Variants in NRG2 observed in about 807,000 individuals in gnomAD.
NRG2 encodes pro-neuregulin-2, membrane-bound isoform.
A neutral mutation model predicts 73.9 loss-of-function variants in NRG2; 27 were observed. The ratio of observed to expected loss-of-function variants is 0.37; its 90% confidence interval spans 0.27 to 0.50. NRG2 has a LOEUF of 0.50. NRG2 is among the 20% of genes least tolerant of loss of function. The pLI, the probability that NRG2 is intolerant of heterozygous loss-of-function variation, is 0.96. For synonymous variants in NRG2, 532 were observed against 541.0 expected, an observed-to-expected ratio of 0.98 and a Z score of 0.23; for missense variants, 1,126 against 1,210.1, an observed-to-expected ratio of 0.93 and a Z score of 1.03.
intron 1 of NRG2, among the ~76,000 whole-genome samples, chr5:140,010,786 T>C (rs963591953): frequency 9.9e-5 from 15 of 152,206 alleles, no homozygotes; most frequent in Non-Finnish European, 1.9e-4. Flanking sequence ...TTGGGTACTT[T>C]AGTTATAGCC....
In NRG2 at chr5:140,014,280, A is replaced by T. The variant is rs556268655; in HGVS notation, c.700+28090T>A. 5.9e-5 allele frequency among the ~76,000 whole-genome samples: 9 copies of T among 151,982 alleles called. No individual in the cohort carries two copies. In the South Asian group the frequency reaches 1.9e-3, roughly 32 times the overall value. On this transcript the variant is annotated intron_variant, in intron 1 of 9. Transcript: ENST00000361474. ...GAGACAGAGTCTCGCTCTGTTGCCC[A>T]GGCTACAGTGTAGTGGTGAAATCTC...
At chr5:139,871,360 G>C (rs142136782) in intron 4 of NRG2, among the ~76,000 whole-genome samples, 23 of 152,118 alleles carry the variant, frequency 1.5e-4, no homozygotes, top group African/African-American at 5.6e-4. Context: ...AGGAAAAGAG[G>C]GGGGGAAAGA....
chr5:139,934,626 G>C (rs532478179), intron 1 of NRG2, among the ~76,000 whole-genome samples: 1 of 152,322 alleles, frequency 6.6e-6, no homozygotes, highest in South Asian at 2.1e-4. Context: ...AACCACATCA[G>C]TAATCACATT....
chr5:139,954,737 T>G lies in NRG2; in HGVS notation c.701-67226A>C, dbSNP rs1243838119. Among the ~76,000 whole-genome samples the G allele has an allele frequency of 2.6e-5, 4 of 152,230 alleles. No individual in the cohort carries two copies. The highest frequency in any genetic ancestry group is 2.9e-5 in the Non-Finnish European group (2 of 68,044). ...TCTTAACCTAAAATGCCTTTTTGTC[T>G]CTATCAAATCATTGTTATTCCCCTT... On this transcript the variant is annotated intron_variant, in intron 1 of 9. Coordinates refer to ENST00000361474, the MANE Select transcript of NRG2 (RefSeq NM_004883.3). The surrounding 1 kb of genome is among the most constrained non-coding windows in gnomAD (Gnocchi z 5.0).
intron 3 of NRG2, among the ~76,000 whole-genome samples, chr5:139,875,114 C>A (rs1763087851): frequency 6.6e-6 from 1 of 152,198 alleles, no homozygotes. Flanking sequence ...CGGGTTCAAG[C>A]AATTCTCCTG....
chr5:139,938,130 T>C (rs185654353), intron 1 of NRG2, among the ~76,000 whole-genome samples: 1 of 152,022 alleles, frequency 6.6e-6, no homozygotes, highest in African/African-American at 2.4e-5. Context: ...AAAAGTAAGA[T>C]CTAAATAAAT....
At chr5:140,000,815 C>T (rs1758409415) in intron 1 of NRG2, among the ~76,000 whole-genome samples, 1 of 152,190 alleles carries the variant, frequency 6.6e-6, no homozygotes, top group Admixed American at 6.5e-5. Context: ...TTCCTAACTG[C>T]TCTCCCTAGC....
At chr5:140,030,323 C>A (rs986007355) in intron 1 of NRG2, among the ~76,000 whole-genome samples, 1 of 152,228 alleles carries the variant, frequency 6.6e-6, no homozygotes, top group Non-Finnish European at 1.5e-5. Flanking sequence ...CCCTAGGATG[C>A]ACTAGTTTTA....
chr5:139,989,397 A>G (rs538389829), intron 1 of NRG2, among the ~76,000 whole-genome samples: 34 of 152,060 alleles, frequency 2.2e-4, no homozygotes, highest in African/African-American at 7.7e-4. Flanking sequence ...CCATTTGTTT[A>G]AAGTATTAAA....
intron 1 of NRG2, among the ~76,000 whole-genome samples, chr5:140,012,616 C>T (rs1465432208): frequency 6.6e-6 from 1 of 152,118 alleles, no homozygotes; most frequent in Non-Finnish European, 1.5e-5. Flanking sequence ...ATATCAAATG[C>T]ATGCATCCTA....
chr5:139,914,964 A>C (rs1259665355), intron 1 of NRG2, among the ~76,000 whole-genome samples: 2 of 151,952 alleles, frequency 1.3e-5, no homozygotes, highest in African/African-American at 4.8e-5. Flanking sequence ...ATTGCTCTCT[A>C]TTCTTCCCTC....
intron 1 of NRG2, among the ~76,000 whole-genome samples, chr5:139,966,174 A>G (rs1657978531): frequency 6.6e-6 from 1 of 152,172 alleles, no homozygotes; most frequent in African/African-American, 2.4e-5. Flanking sequence ...ACTATGCTCC[A>G]TTGCCAACGA....
intron 3 of NRG2, among the ~76,000 whole-genome samples, chr5:139,879,671 A>G (rs1374817101): frequency 6.6e-6 from 1 of 152,202 alleles, no homozygotes; most frequent in African/African-American, 2.4e-5. Context: ...ACATGACAGG[A>G]TAAAAGCACC....
At chr5:139,977,852 C>T (rs1021001480) in intron 1 of NRG2, among the ~76,000 whole-genome samples, 25 of 152,160 alleles carry the variant, frequency 1.6e-4, no homozygotes, top group Admixed American at 4.6e-4. Flanking sequence ...GAAAGGATTC[C>T]CTATTTAATA....
chr5:139,984,926 C>T (rs903862550), intron 1 of NRG2, among the ~76,000 whole-genome samples: 1 of 152,210 alleles, frequency 6.6e-6, no homozygotes, highest in Non-Finnish European at 1.5e-5. Flanking sequence ...CAGATACTTG[C>T]ATAGCATACC....
At chr5:139,989,935 CCCA>C (rs1466876909) in intron 1 of NRG2, among the ~76,000 whole-genome samples, 5 of 150,768 alleles carry the variant, frequency 3.3e-5, no homozygotes, top group Admixed American at 6.6e-5. Flanking sequence ...ACTACAGGTG[CCCA>C]CCACCACGCC....
chr5:139,890,518 T>C (rs1471281739), intron 1 of NRG2, among the ~76,000 whole-genome samples: 6 of 146,066 alleles, frequency 4.1e-5, no homozygotes, highest in Admixed American at 3.5e-4. Context: ...TGTGCATCAA[T>C]CTAACAATCT....
Position 139,853,285 on chromosome 5 carries a change from A to T in NRG2, c.1293-258T>A, listed in dbSNP as rs1312958465. ...CTAGCTATGCAACCCCGGGCAAGTT[A>T]CTTAAGCTCTTCACGTTTCACTTTC... On this transcript the variant is annotated intron_variant, in intron 6 of 9. Transcript: ENST00000361474. This position sits in a 1 kb window ranked among gnomAD's most constrained non-coding sequence, Gnocchi z 4.1. Among the ~76,000 whole-genome samples, 1 of 152,190 alleles carries T rather than the reference A, an allele frequency of 6.6e-6. No homozygotes were observed. The highest frequency in any genetic ancestry group is 1.5e-5 in the Non-Finnish European group (1 of 68,032).
intron 1 of NRG2, among the ~76,000 whole-genome samples, chr5:140,005,657 G>T (rs1183156496): frequency 6.6e-6 from 1 of 152,210 alleles, no homozygotes; most frequent in Non-Finnish European, 1.5e-5. Flanking sequence ...GTCCAGAACT[G>T]CATGGAGCCA....
Sources: gnomAD v4.1 joint callset for allele counts (sites outside exome capture counted in the v4.1 genomes callset) on GRCh38, gnomAD v4.1.1 for gene constraint, Gnocchi (gnomAD v3.1) non-coding constraint, MANE v1.5 for transcripts, NCBI Gene and HGNC (gene_info 2026-07-23, HGNC 2026-07-21) for gene names.